LYPLA1: variants seen among roughly 807,000 people sequenced by gnomAD.
The protein encoded by LYPLA1 is acyl-protein thioesterase 1.
A neutral mutation model predicts 34.0 loss-of-function variants in LYPLA1; 17 were observed. The ratio of observed to expected loss-of-function variants is 0.50; its 90% confidence interval spans 0.34 to 0.75. The LOEUF (loss-of-function observed/expected upper bound fraction) is 0.75. Ranked by LOEUF, LYPLA1 falls within the 30% of genes least tolerant of loss-of-function variation. The pLI is 0.01. For missense variants in LYPLA1, 203 were observed against 288.8 expected (o/e 0.70, Z 2.15); for synonymous variants, 98 against 100.8 (o/e 0.97, Z 0.17).
At chr8:54,071,822 C>T (rs888464557) in intron 2 of LYPLA1, among the ~76,000 whole-genome samples, 3 of 152,112 alleles carry the variant, frequency 2.0e-5, no homozygotes, top group Non-Finnish European at 4.4e-5. Context: ...AAGCAATCTA[C>T]AGATTCAATG....
At chr8:54,052,156 A>G (rs946531387) in intron 7 of LYPLA1, among the ~76,000 whole-genome samples, 2 of 152,160 alleles carry the variant, frequency 1.3e-5, no homozygotes, top group African/African-American at 2.4e-5. Context: ...TGGTCTAAAA[A>G]TAAGTATGAT....
At chr8:54,101,117 TTC>T (rs894943477) in intron 1 of LYPLA1, among the ~76,000 whole-genome samples, 178 bp from the exon 2 acceptor site, 3 of 144,020 alleles carry the variant, frequency 2.1e-5, no homozygotes, top group Non-Finnish European at 4.5e-5. Context: ...TCTGATCAAC[TTC>T]TCCCTTTATT....
intron 2 of LYPLA1, among the ~76,000 whole-genome samples, chr8:54,080,001 G>A (rs902938012): frequency 4.6e-5 from 7 of 151,996 alleles, no homozygotes; most frequent in Non-Finnish European, 1.5e-5. Context: ...TGACCTCAGG[G>A]ATAACTAAAT....
At chr8:54,065,839 C>T in intron 2 of LYPLA1, 26 bp from the exon 3 acceptor site, 3 of 1,502,480 alleles carry the variant, frequency 2.0e-6, no homozygotes, top group Non-Finnish European at 2.8e-6. Flanking sequence ...TTGAATAATG[C>T]TATTAGACAC....
chr8:54,094,647 T>C (rs552490463), intron 2 of LYPLA1, among the ~76,000 whole-genome samples: 1 of 152,208 alleles, frequency 6.6e-6, no homozygotes, highest in Non-Finnish European at 1.5e-5. Flanking sequence ...TGGGAGCACA[T>C]ATAGCATCCA....
intron 2 of LYPLA1, among the ~76,000 whole-genome samples, chr8:54,098,732 A>G (rs988595141): frequency 5.3e-5 from 8 of 152,230 alleles, no homozygotes; most frequent in African/African-American, 1.9e-4. Context: ...TTTTAAACTT[A>G]TAAAGTATTT....
At position 54,051,178 on chromosome 8, in the gene LYPLA1, C is replaced by G; in HGVS notation, c.473G>C (p.Gly158Ala). 6.3e-7 allele frequency: 1 copy of G among 1,596,994 alleles called. No individual in the cohort carries two copies. The highest frequency in any genetic ancestry group is 8.5e-7 in the Non-Finnish European group (1 of 1,171,524). The part of the protein sequence containing the change: ...LRASFPQGPI[G>A]GANRDISILQ... ...AATAGAAATATCTCTATTAGCACCACCGATAGGACCCTGCAAAAAGCAAAA... is the reference window on the plus strand; with the variant it reads ...AATAGAAATATCTCTATTAGCACCAGCGATAGGACCCTGCAAAAAGCAAAA... Residue 158 changes from glycine (G) to alanine (A), a missense_variant, in exon 8 of 9, where the codon GGT (glycine) becomes GCT (alanine). Gly to Ala is a moderately conservative substitution (Grantham distance 60, BLOSUM62 0). This residue lies in a region of LYPLA1 where 123 missense variants were observed against 199.2 expected (regional missense o/e 0.62). Coordinates refer to ENST00000316963, the MANE Select transcript of LYPLA1 (RefSeq NM_006330.4).
chr8:54,062,154 G>A (rs563720361), intron 5 of LYPLA1, 100 bp downstream of exon 5: 121 of 842,834 alleles, frequency 1.4e-4, no homozygotes, highest in African/African-American at 6.5e-4. Flanking sequence ...CACCGTGCCC[G>A]GCCCAAATGT....
chr8:54,095,698 A>AC (rs1477303343), intron 2 of LYPLA1, among the ~76,000 whole-genome samples: 3 of 152,050 alleles, frequency 2.0e-5, no homozygotes, highest in African/African-American at 4.8e-5. Flanking sequence ...AAATCACAAA[A>AC]CATCAGATAA....
chr8:54,050,707 T>A (rs1038409633), intron 8 of LYPLA1, among the ~76,000 whole-genome samples: 1 of 152,358 alleles, frequency 6.6e-6, no homozygotes, highest in Middle Eastern at 3.4e-3. Flanking sequence ...ATACAATGTA[T>A]ATCACATTCT....
intron 5 of LYPLA1, among the ~76,000 whole-genome samples, chr8:54,056,345 G>A (rs1035464961): frequency 2.6e-5 from 4 of 152,058 alleles, no homozygotes; most frequent in Admixed American, 6.5e-5. Flanking sequence ...AAACTACTAC[G>A]AGAAAAAATT....
intron 5 of LYPLA1, among the ~76,000 whole-genome samples, chr8:54,058,209 A>T (rs1048848973): frequency 5.3e-5 from 8 of 152,152 alleles, no homozygotes; most frequent in African/African-American, 1.9e-4. Flanking sequence ...AATGGTTTAA[A>T]AAGTGTTTAA....
intron 2 of LYPLA1, among the ~76,000 whole-genome samples, chr8:54,074,523 T>C (rs1292459348): frequency 6.6e-6 from 1 of 152,240 alleles, no homozygotes; most frequent in African/African-American, 2.4e-5. Context: ...TTAGGGCTCA[T>C]ACACCTTTTC....
intron 2 of LYPLA1, among the ~76,000 whole-genome samples, chr8:54,099,004 C>CT (rs958364589): frequency 3.3e-5 from 5 of 152,068 alleles, no homozygotes; most frequent in African/African-American, 9.7e-5. Flanking sequence ...AAGAAGGATA[C>CT]TTTTTTAATA....
At chr8:54,057,458 C>T in intron 5 of LYPLA1, among the ~76,000 whole-genome samples, 1 of 152,030 alleles carries the variant, frequency 6.6e-6, no homozygotes, top group East Asian at 1.9e-4. Flanking sequence ...GGTACATATG[C>T]ACAATGAAGT....
intron 2 of LYPLA1, among the ~76,000 whole-genome samples, chr8:54,085,518 C>T (rs144262265): frequency 0.13 from 19,617 of 151,696 alleles, 3,349 homozygotes; most frequent in African/African-American, 0.4. Context: ...GCCGTCATCC[C>T]GTCTAGGAAG....
At chr8:54,059,397 C>T (rs1314453795) in intron 5 of LYPLA1, among the ~76,000 whole-genome samples, 1 of 80,008 alleles carries the variant, frequency 1.2e-5, no homozygotes, top group Admixed American at 1.4e-4. Flanking sequence ...CTCCGCTTCC[C>T]GGGTTCACGC....
chr8:54,065,672 T>C (rs1807009980), intron 3 of LYPLA1, 76 bp downstream of exon 3: 1 of 1,063,286 alleles, frequency 9.4e-7, no homozygotes, highest in Non-Finnish European at 1.4e-6. Flanking sequence ...TCAAATACTT[T>C]TCTGGAAGGG....
At chr8:54,098,245 CA>C (rs1163116190) in intron 2 of LYPLA1, among the ~76,000 whole-genome samples, 3 of 150,510 alleles carry the variant, frequency 2.0e-5, no homozygotes, top group Non-Finnish European at 4.5e-5. Context: ...AAAACAATAC[CA>C]AAACAGTTGA....
Sources: allele counts gnomAD v4.1 joint callset (sites outside exome capture counted in the v4.1 genomes callset), GRCh38; gene constraint gnomAD v4.1.1; regional missense constraint gnomAD v4.1.1; transcripts MANE v1.5; gene names NCBI Gene and HGNC (gene_info 2026-07-23, HGNC 2026-07-21).